Variants in PDE3A observed in about 807,000 individuals in gnomAD.
PDE3A encodes cGMP-inhibited 3',5'-cyclic phosphodiesterase 3A.
In PDE3A, 43 loss-of-function variants were observed where a neutral mutation model predicts 98.3. The ratio of observed to expected loss-of-function variants is 0.44; its 90% CI spans 0.34 to 0.56. The LOEUF (loss-of-function observed/expected upper bound fraction) is 0.56. Ranked by LOEUF, PDE3A falls within the 20% of genes least tolerant of loss-of-function variation. The pLI, the probability that PDE3A is intolerant of heterozygous loss-of-function variation, is 0.01. For synonymous variants in PDE3A, 663 were observed against 567.9 expected, an observed-to-expected ratio of 1.17 and a Z score of -2.38; for missense variants, 1,427 against 1,440.7, an observed-to-expected ratio of 0.99 and a Z score of 0.15.
At chr12:20,422,279 G>C (rs937985867) in intron 1 of PDE3A, among the ~76,000 whole-genome samples, 2 of 151,978 alleles carry the variant, frequency 1.3e-5, no homozygotes. Flanking sequence ...GGGAAGTGGA[G>C]CTTGCAGTGA....
intron 1 of PDE3A, among the ~76,000 whole-genome samples, chr12:20,460,417 C>CAA (rs1323187149): frequency 6.6e-6 from 1 of 152,006 alleles, no homozygotes; most frequent in Non-Finnish European, 1.5e-5. Flanking sequence ...TTATTAAAGG[C>CAA]AAAATATTGT....
intron 1 of PDE3A, among the ~76,000 whole-genome samples, chr12:20,540,009 G>A (rs1190131727): frequency 6.6e-6 from 1 of 152,102 alleles, no homozygotes; most frequent in African/African-American, 2.4e-5. Context: ...AATTCAGCTC[G>A]AGTCCACCCT....
chr12:20,435,287 A>G (rs1213172397), intron 1 of PDE3A, among the ~76,000 whole-genome samples: 2 of 152,154 alleles, frequency 1.3e-5, no homozygotes, highest in Non-Finnish European at 2.9e-5. Flanking sequence ...ATTTGTATTC[A>G]GGTCGATTAA....
chr12:20,400,395 T>G (rs28673198), intron 1 of PDE3A, among the ~76,000 whole-genome samples: 4 of 15,156 alleles, frequency 2.6e-4, no homozygotes, highest in African/African-American at 3.7e-4. Context: ...TTTTTTTTTT[T>G]TTTTTTTTTT....
chr12:20,495,114 T>C (rs1187737829), intron 1 of PDE3A, among the ~76,000 whole-genome samples: 5 of 152,156 alleles, frequency 3.3e-5, no homozygotes, highest in African/African-American at 4.8e-5. Context: ...TGAATTTTTA[T>C]ATACTCTCCT....
chr12:20,619,930 T>C (rs545855978), intron 4 of PDE3A, among the ~76,000 whole-genome samples: 4 of 152,168 alleles, frequency 2.6e-5, no homozygotes, highest in African/African-American at 7.2e-5. Context: ...ATCTTACCCA[T>C]TGCCGAATTT....
intron 2 of PDE3A, among the ~76,000 whole-genome samples, chr12:20,568,643 C>T (rs894633083): frequency 1.3e-5 from 2 of 151,726 alleles, no homozygotes; most frequent in African/African-American, 4.8e-5. Flanking sequence ...GAATAATGTA[C>T]AAAAGCTAGG....
At chr12:20,444,071 G>A (rs1944913253) in intron 1 of PDE3A, among the ~76,000 whole-genome samples, 1 of 152,128 alleles carries the variant, frequency 6.6e-6, no homozygotes. Context: ...CAGGAAAATT[G>A]ATTTCCTATT....
rs776562644 is a variant in PDE3A at position 20,369,566 on chromosome 12, G to A, written c.282G>A (p.Glu94=). The change falls in exon 1 of 16, where the codon GAG becomes GAA. Residue 94 remains glutamate, a synonymous_variant. Transcript: ENST00000359062. Reference sequence around the variant, plus strand: ...GCTGTGACCTGGAGCAGTGTAAGGAGGCGGCGGCGGCGGAGGAGGAGGAAG... The same window carrying A: ...GCTGTGACCTGGAGCAGTGTAAGGAAGCGGCGGCGGCGGAGGAGGAGGAAG... ...EVGCDLEQCK[E]AAAAEEEEAA... 1.5e-5 allele frequency: 23 copies of A among 1,550,630 alleles called. No homozygotes were observed. The highest frequency in any genetic ancestry group is 2.0e-5 in the Admixed American group (1 of 51,144).
intron 14 of PDE3A, among the ~76,000 whole-genome samples, chr12:20,653,439 C>A (rs113416374): frequency 2.0e-5 from 3 of 151,860 alleles, no homozygotes; most frequent in Non-Finnish European, 4.4e-5. Context: ...CTCAGCTCAC[C>A]GCAACCTCCG....
intron 1 of PDE3A, among the ~76,000 whole-genome samples, chr12:20,434,596 G>A (rs1031272507): frequency 2.0e-5 from 3 of 152,094 alleles, no homozygotes; most frequent in African/African-American, 4.8e-5. Context: ...CAGGGACGGG[G>A]AAAGCAGATA....
rs1447836284 is a variant in PDE3A at position 20,687,392 on chromosome 12, AT to A, written c.*7122del. ...TATATTACCTGTTAGTGAGGTTTTAATGGCTTTACTTAATACATATTTGTTC... is the reference window on the plus strand; with the variant it reads ...TATATTACCTGTTAGTGAGGTTTTAAGGCTTTACTTAATACATATTTGTTC... On this transcript the variant is annotated 3_prime_UTR_variant, in exon 16 of 16. Coordinates refer to ENST00000359062, the MANE Select transcript of PDE3A (RefSeq NM_000921.5). Among the ~76,000 whole-genome samples, 1 of 152,046 alleles carries A rather than the reference AT, an allele frequency of 6.6e-6. No individual in the cohort carries two copies. The highest frequency in any genetic ancestry group is 2.4e-5 in the African/African-American group (1 of 41,424).
rs1167969176 is a variant in PDE3A, at chr12:20,385,925, A to G, written c.960+15681A>G. On this transcript the variant is annotated intron_variant, in intron 1 of 15. Transcript: ENST00000359062. ...GCACGTTGTGTACAAGTACCCTAGA[A>G]CTTAAAGTATAATACAAAGTATTAT... 2.9e-5 allele frequency among the ~76,000 whole-genome samples: 4 copies of G among 138,682 alleles called. No individual in the cohort carries two copies. The South Asian group carries it at 8.6e-4, about 30-fold the overall frequency. 91.0% of individuals were successfully genotyped at this position (138,682 alleles called of 152,430 possible).
At chr12:20,635,276 C>A (rs190351924) in intron 8 of PDE3A, among the ~76,000 whole-genome samples, 5 of 151,866 alleles carry the variant, frequency 3.3e-5, no homozygotes, top group African/African-American at 1.2e-4. Flanking sequence ...AAAAAAATTA[C>A]CCAGGCATAG....
At chr12:20,385,268 T>C (rs1943733624) in intron 1 of PDE3A, among the ~76,000 whole-genome samples, 1 of 152,006 alleles carries the variant, frequency 6.6e-6, no homozygotes, top group Non-Finnish European at 1.5e-5. Flanking sequence ...AGAATGGCGA[T>C]CATTAAAAAG....
chr12:20,400,398 T>G (rs79547746), intron 1 of PDE3A, among the ~76,000 whole-genome samples: 1,061 of 24,542 alleles, frequency 0.043, 50 homozygotes, highest in East Asian at 0.1. Context: ...TTTTTTTTTT[T>G]TTTTTTTTTT....
rs188401679 is a variant in PDE3A, at chr12:20,464,636, T to C, written c.961-92024T>C. On this transcript the variant is annotated intron_variant, in intron 1 of 15. Transcript: ENST00000359062. ...ATGATTACTCTCAAAGCCAATCTGG[T>C]TTCAGGTGGGTCCTAAGCCCATGCT... Among the ~76,000 whole-genome samples the C allele has an allele frequency of 6.8e-3, 1,029 of 152,252 alleles. 8 individuals carry two copies. Among genetic ancestry groups the C allele is most frequent in the Middle Eastern group, 0.041 (12 of 294 alleles).
At chr12:20,483,604 T>C (rs1945671312) in intron 1 of PDE3A, among the ~76,000 whole-genome samples, 1 of 152,204 alleles carries the variant, frequency 6.6e-6, no homozygotes, top group Non-Finnish European at 1.5e-5. Flanking sequence ...TATTAAAATG[T>C]AAAGCACATG....
At position 20,616,247 on chromosome 12, in the gene PDE3A, G is replaced by A. The variant is rs529590087; in HGVS notation, c.1287G>A (p.Leu429=). ...TTTCCTAGCGCCTGAGAAGGAGTTT[G>A]CCTCCTGGCTTGTTGAGACGAGTTT... is the stretch of plus-strand genomic sequence containing the variant. The part of the protein sequence containing the change: ...LAIPKRLRRS[L]PPGLLRRVSS... The change falls in exon 4 of 16, where the codon TTG becomes TTA. Residue 429 remains leucine (L), a synonymous_variant. Coordinates refer to ENST00000359062, the MANE Select transcript of PDE3A (RefSeq NM_000921.5). 3 of 1,613,850 alleles carry A rather than the reference G, an allele frequency of 1.9e-6. No individual in the cohort carries two copies. The highest frequency in any genetic ancestry group is 2.5e-6 in the Non-Finnish European group (3 of 1,179,860).
Sources: allele counts gnomAD v4.1 joint callset (sites outside exome capture counted in the v4.1 genomes callset), GRCh38; gene constraint gnomAD v4.1.1; transcripts MANE v1.5; gene names NCBI Gene and HGNC (gene_info 2026-07-23, HGNC 2026-07-21).